IFNGR2: variants seen among roughly 807,000 people sequenced by gnomAD.
IFNGR2 encodes IFN-gamma receptor 2.
Under a neutral mutation model 41.1 loss-of-function variants are expected in IFNGR2, and 15 were observed. The observed-to-expected ratio is 0.37, with a 90% CI of 0.24 to 0.56. The LOEUF (loss-of-function observed/expected upper bound fraction) is 0.56. Ranked by LOEUF, IFNGR2 falls within the 20% of genes least tolerant of loss-of-function variation. The pLI, the probability that IFNGR2 is intolerant of heterozygous loss-of-function variation, is 0.81. For missense variants in IFNGR2, 362 were observed against 415.7 expected (o/e 0.87, Z 1.12); for synonymous variants, 161 against 171.6 (o/e 0.94, Z 0.48).
Position 33,415,007 on chromosome 21 carries a change from G to C in IFNGR2, c.193G>C (p.Val65Leu), listed in dbSNP as rs1322953040. 7.4e-6 allele frequency: 12 copies of C among 1,614,178 alleles called. No homozygotes were observed. Among genetic ancestry groups the C allele is most frequent in the Non-Finnish European group, 1.0e-5 (12 of 1,180,036 alleles). The change falls in exon 2 of 7, where the codon GTG becomes CTG. Residue 65 changes from valine (V) to leucine (L), a missense_variant. By Grantham distance (32) the Val-to-Leu change is conservative. Coordinates refer to ENST00000290219, the MANE Select transcript of IFNGR2 (RefSeq NM_005534.4). ...TAGCACGAGGCCTGTTGTCTACCAA[G>C]TGCAGTTTAAATAGTAAGCCGGTAT... ...SNSTRPVVYQVQFKYTDSKWF... is the reference protein window; with the variant it reads ...SNSTRPVVYQLQFKYTDSKWF...
chr21:33,431,696 A>G (rs908026972), intron 4 of IFNGR2, among the ~76,000 whole-genome samples: 12 of 152,308 alleles, frequency 7.9e-5, no homozygotes, highest in African/African-American at 2.6e-4. Flanking sequence ...TCAGCCTCCC[A>G]TGTAGCTGGG....
chr21:33,404,314 G>GA (rs1425617352), intron 1 of IFNGR2, among the ~76,000 whole-genome samples: 2 of 152,236 alleles, frequency 1.3e-5, no homozygotes, highest in Non-Finnish European at 2.9e-5. Context: ...CACTGGGTGT[G>GA]AAATCTAGAC....
chr21:33,433,182 G>A lies in IFNGR2; in HGVS notation c.879+311G>A, dbSNP rs1191026671. ...ATTACAGGCGGGAGCCACTGCGCCC[G>A]GCCACGCAGACATCTTAATGGTGAC... On this transcript the variant is annotated intron_variant, in intron 6 of 6. Coordinates refer to ENST00000290219, the MANE Select transcript of IFNGR2 (RefSeq NM_005534.4). 3.3e-5 allele frequency among the ~76,000 whole-genome samples: 5 copies of A among 152,126 alleles called. No homozygotes were observed. In the East Asian group the frequency reaches 7.7e-4, roughly 24 times the overall value.
Position 33,435,324 on chromosome 21 carries a change from C to T in IFNGR2, c.880-1504C>T, listed in dbSNP as rs528726173. ...ATGCTTGTGAACTTGCCCTCTTTTT[C>T]CCCATCACAGCTGAACAAGAGCCCC... On this transcript the variant is annotated intron_variant, in intron 6 of 6. Coordinates refer to ENST00000290219, the MANE Select transcript of IFNGR2 (RefSeq NM_005534.4). 4.6e-5 allele frequency among the ~76,000 whole-genome samples: 7 copies of T among 151,996 alleles called. No individual in the cohort carries two copies. In the East Asian group the frequency reaches 9.7e-4, roughly 21 times the overall value.
chr21:33,423,066 GTCTC>G (rs1207834515), intron 3 of IFNGR2, among the ~76,000 whole-genome samples: 1 of 133,362 alleles, frequency 7.5e-6, no homozygotes, highest in Non-Finnish European at 1.6e-5. Context: ...TTGAGACGGA[GTCTC>G]TCTCTCTTGC....
chr21:33,427,623 T>C lies in IFNGR2; in HGVS notation c.561+591T>C, dbSNP rs993222476. Among the ~76,000 whole-genome samples the C allele has an allele frequency of 2.9e-4, 44 of 152,112 alleles. 1 individual carries two copies. The highest frequency in any genetic ancestry group is 7.4e-5 in the Non-Finnish European group (5 of 68,022). On this transcript the variant is annotated intron_variant, in intron 4 of 6. Coordinates refer to ENST00000290219, the MANE Select transcript of IFNGR2 (RefSeq NM_005534.4). ...GGTGCATGACATCAGAGCGGCCTGG[T>C]CAGCCTCGGGGAGTATAGGAAAAAG...
upstream of IFNGR2, chr21:33,403,073 C>G (rs1284671312): frequency 7.1e-6 from 1 of 141,722 alleles, no homozygotes; most frequent in Non-Finnish European, 1.5e-5. Flanking sequence ...ATTGTGCGAT[C>G]AAGCACCCGA....
chr21:33,428,043 A>G (rs553420653), intron 4 of IFNGR2, among the ~76,000 whole-genome samples: 5 of 151,310 alleles, frequency 3.3e-5, no homozygotes, highest in South Asian at 2.1e-4. Context: ...TTTCATCTTT[A>G]TACTAATCCG....
chr21:33,424,472 C>T (rs1054561469), intron 3 of IFNGR2, among the ~76,000 whole-genome samples: 19 of 152,272 alleles, frequency 1.2e-4, no homozygotes, highest in Admixed American at 6.5e-4. Flanking sequence ...TCTCTGCCCT[C>T]GTGCTTGAAA....
At chr21:33,424,902 C>G (rs2123354927) in intron 3 of IFNGR2, among the ~76,000 whole-genome samples, 1 of 151,842 alleles carries the variant, frequency 6.6e-6, no homozygotes, top group East Asian at 1.9e-4. Context: ...CACCACACCC[C>G]AGTTAATTTT....
chr21:33,432,850 C>T lies in IFNGR2; in HGVS notation c.858C>T (p.Ser286=). The part of the protein sequence containing the change: ...LIKYWFHTPP[S]IPLQIEEYLK... ...AATACTGGTTTCACACTCCACCAAG[C>T]ATCCCATTACAGATAGAAGAGGTAC... Residue 286 remains serine, a synonymous_variant, in exon 6 of 7, where the codon AGC becomes AGT. Transcript: ENST00000290219. 6.2e-7 allele frequency: 1 copy of T among 1,612,680 alleles called. No individual in the cohort carries two copies. The highest frequency in any genetic ancestry group is 8.5e-7 in the Non-Finnish European group (1 of 1,179,414).
intron 6 of IFNGR2, among the ~76,000 whole-genome samples, chr21:33,433,809 T>C (rs2083915755): frequency 1.3e-5 from 2 of 151,522 alleles, no homozygotes; most frequent in Admixed American, 1.3e-4. Flanking sequence ...TTTAATGGCA[T>C]GGGGTTGGCT....
At chr21:33,431,845 TATAGGCGTGAGC>T (rs761081009) in intron 4 of IFNGR2, among the ~76,000 whole-genome samples, 1 of 152,216 alleles carries the variant, frequency 6.6e-6, no homozygotes, top group Non-Finnish European at 1.5e-5. Flanking sequence ...GTGGTGGGAT[TATAGGCGTGAGC>T]CACCCCATCC....
At chr21:33,424,641 C>T (rs1359065017) in intron 3 of IFNGR2, among the ~76,000 whole-genome samples, 18 of 152,238 alleles carry the variant, frequency 1.2e-4, no homozygotes, top group Non-Finnish European at 1.5e-5. Flanking sequence ...GGGTTCATAT[C>T]CCAACTCTGC....
chr21:33,422,308 G>A (rs1002230559), intron 3 of IFNGR2, among the ~76,000 whole-genome samples: 3 of 152,168 alleles, frequency 2.0e-5, no homozygotes, highest in African/African-American at 4.8e-5. Flanking sequence ...CATTTGTCAC[G>A]TAGTCAGCCA....
chr21:33,410,837 A>G (rs1163780035), intron 1 of IFNGR2: 2 of 1,540,858 alleles, frequency 1.3e-6, no homozygotes, highest in Non-Finnish European at 1.8e-6. Flanking sequence ...TATGCTCAGC[A>G]CAGCTAACTT....
intron 1 of IFNGR2, chr21:33,410,710 C>T (rs2083709502): frequency 1.6e-5 from 11 of 667,142 alleles, no homozygotes; most frequent in Middle Eastern, 3.2e-4. Context: ...TCAGGTGATC[C>T]GCCCACCTCA....
chr21:33,409,682 G>A (rs1385384675), intron 1 of IFNGR2, among the ~76,000 whole-genome samples: 1 of 152,116 alleles, frequency 6.6e-6, no homozygotes, highest in Non-Finnish European at 1.5e-5. Context: ...GCACTCAGAT[G>A]GTTACAGAAG....
At chr21:33,429,294 C>T (rs1159308755) in intron 4 of IFNGR2, among the ~76,000 whole-genome samples, 1 of 151,972 alleles carries the variant, frequency 6.6e-6, no homozygotes. Context: ...TCCCCAAGAC[C>T]CACCCTAGAT....
Sources: gnomAD v4.1 joint callset for allele counts (sites outside exome capture counted in the v4.1 genomes callset) on GRCh38, gnomAD v4.1.1 for gene constraint, MANE v1.5 for transcripts, NCBI Gene and HGNC (gene_info 2026-07-23, HGNC 2026-07-21) for gene names.